Variants in DCAF7 observed in about 807,000 individuals in gnomAD.
The protein encoded by DCAF7 is DDB1 and CUL4 associated factor 7.
A neutral mutation model predicts 41.2 loss-of-function variants in DCAF7; 4 were observed. The ratio of observed to expected loss-of-function variants is 0.10; its 90% CI spans 0.05 to 0.22. DCAF7 has a LOEUF of 0.22. DCAF7 is among the 10% of genes least tolerant of loss of function. The pLI, the probability that DCAF7 is intolerant of heterozygous loss-of-function variation, is 1.00. For synonymous variants in DCAF7, 143 were observed against 164.2 expected, an observed-to-expected ratio of 0.87 and a Z score of 0.99; for missense variants, 131 against 443.2, an observed-to-expected ratio of 0.30 and a Z score of 6.32.
At chr17:63,588,888 G>T in intron 6 of DCAF7, 112 bp from the exon 7 acceptor site, 1 of 1,166,346 alleles carries the variant, frequency 8.6e-7, no homozygotes. Context: ...GCTTAAAATA[G>T]AACCGCCATC....
intron 1 of DCAF7, among the ~76,000 whole-genome samples, chr17:63,575,687 GAAAA>G (rs879887959): frequency 2.0e-5 from 3 of 151,706 alleles, no homozygotes; most frequent in African/African-American, 7.3e-5. Context: ...GACTCTGTCT[GAAAA>G]AAAAGAACTT....
chr17:63,565,898 C>T (rs1423183408), intron 1 of DCAF7, among the ~76,000 whole-genome samples: 1 of 151,968 alleles, frequency 6.6e-6, no homozygotes, highest in Non-Finnish European at 1.5e-5. Flanking sequence ...GTCAGGAGTT[C>T]GAGACCAGCC....
intron 1 of DCAF7, chr17:63,552,377 A>G (rs2033266926): frequency 6.6e-6 from 1 of 152,230 alleles, no homozygotes. Context: ...CTCATTGTCC[A>G]GACATTACAC....
intron 1 of DCAF7, among the ~76,000 whole-genome samples, chr17:63,571,220 G>A (rs1316834976): frequency 7.9e-5 from 12 of 151,834 alleles, no homozygotes; most frequent in Admixed American, 7.9e-4. Flanking sequence ...GATATATTGT[G>A]TAAAGGAAGT....
chr17:63,551,299 CTACTCCCA>C (rs2033250681), intron 1 of DCAF7, among the ~76,000 whole-genome samples: 7 of 130,596 alleles, frequency 5.4e-5, no homozygotes, highest in Admixed American at 1.6e-4. Context: ...TCCCCGCCCC[CTACTCCCA>C]CCCCCCCCGG....
In DCAF7 at chr17:63,572,161, T is replaced by C. The variant is rs1191963218; in HGVS notation, c.139-6309T>C. Among the ~76,000 whole-genome samples the C allele has an allele frequency of 2.6e-5, 4 of 152,298 alleles. No individual in the cohort carries two copies. The East Asian group carries it at 7.7e-4, about 29-fold the overall frequency. On this transcript the variant is annotated intron_variant, in intron 1 of 6. Coordinates refer to ENST00000614556, the MANE Select transcript of DCAF7 (RefSeq NM_005828.5). ...AAGATGTCATAATATTCAAAGCTCA[T>C]ATATTGAGTAAGACAGTTCTATGTA...
intron 1 of DCAF7, among the ~76,000 whole-genome samples, chr17:63,576,273 C>T (rs1291209616): frequency 2.0e-5 from 3 of 152,028 alleles, no homozygotes; most frequent in African/African-American, 4.8e-5. Flanking sequence ...GAAGACCCTT[C>T]TCTACTAAAA....
intron 1 of DCAF7, among the ~76,000 whole-genome samples, chr17:63,575,790 C>T (rs1053951274): frequency 6.6e-6 from 1 of 152,226 alleles, no homozygotes; most frequent in African/African-American, 2.4e-5. Flanking sequence ...CCAGACTGCT[C>T]AATAGATTCA....
intron 1 of DCAF7, among the ~76,000 whole-genome samples, chr17:63,573,002 A>G (rs757616273): frequency 1.3e-5 from 2 of 152,160 alleles, no homozygotes; most frequent in Non-Finnish European, 2.9e-5. Flanking sequence ...GGCTCAAGCC[A>G]TCCACCCTCC....
rs2033760350 is a variant in DCAF7 at position 63,594,029 on chromosome 17, T to C, written c.*4857T>C. 6.6e-6 allele frequency: 1 copy of C among 152,650 alleles called. No individual in the cohort carries two copies. The highest frequency in any genetic ancestry group is 1.5e-5 in the Non-Finnish European group (1 of 68,034). 9.5% of individuals were successfully genotyped at this position (152,650 alleles called of 1,614,324 possible). ...TTTATAAATATTTTCACAGGACTGA[T>C]TGTACACAGGGCTTGTAATAAAATT... On this transcript the variant is annotated 3_prime_UTR_variant, in exon 7 of 7. Coordinates refer to ENST00000614556, the MANE Select transcript of DCAF7 (RefSeq NM_005828.5).
rs552625156 is a variant in DCAF7 at position 63,589,815 on chromosome 17, A to G, written c.*643A>G. 1 of 164,052 alleles carries G rather than the reference A, an allele frequency of 6.1e-6. No individual in the cohort carries two copies. The highest frequency in any genetic ancestry group is 1.7e-4 in the South Asian group (1 of 6,014). 10.2% of individuals were successfully genotyped at this position (164,052 alleles called of 1,614,324 possible). On this transcript the variant is annotated 3_prime_UTR_variant, in exon 7 of 7. Coordinates refer to ENST00000614556, the MANE Select transcript of DCAF7 (RefSeq NM_005828.5). ...CATGAGCAGTTTGCCTTCTTGAGTC[A>G]CTGCCTGTGTAGTACATACCTGACC...
In DCAF7 at chr17:63,592,669, G is replaced by A. The variant is rs146914204; in HGVS notation, c.*3497G>A. 3.6e-4 allele frequency: 55 copies of A among 152,366 alleles called. No individual in the cohort carries two copies. Among genetic ancestry groups the A allele is most frequent in the African/African-American group, 1.3e-3 (52 of 41,562 alleles). The allele number at this position is 152,366 out of a possible 1,614,324, so 9.4% of individuals were successfully genotyped here. A position where few individuals can be genotyped will look rare whatever the true frequency, so the allele number is the denominator to read the frequency against. ...AGACTGTCCATTGCATGGCTGTGGA[G>A]TGAGACTGCCCTTAGCCTGGGTCAG... On this transcript the variant is annotated 3_prime_UTR_variant, in exon 7 of 7. Transcript: ENST00000614556.
Position 63,550,795 on chromosome 17 carries a change from G to T in DCAF7, c.118G>T (p.Val40Leu). 1 of 1,613,794 alleles carries T rather than the reference G, an allele frequency of 6.2e-7. No homozygotes were observed. The highest frequency in any genetic ancestry group is 8.5e-7 in the Non-Finnish European group (1 of 1,179,810). ...CTTTCGCTTGGCGCTGGGCAGCTTC[G>T]TGGAGGAGTACAACAACAAGGTGGG... Reference protein sequence around the residue: ...KRFRLALGSFVEEYNNKVQLV... With the variant: ...KRFRLALGSFLEEYNNKVQLV... Residue 40 changes from valine to leucine, a missense_variant, in exon 1 of 7, where the codon GTG (valine) becomes TTG (leucine). Val to Leu is a conservative substitution (Grantham distance 32, BLOSUM62 1). Coordinates refer to ENST00000614556, the MANE Select transcript of DCAF7 (RefSeq NM_005828.5). This position sits in a 1 kb window ranked among gnomAD's most constrained non-coding sequence, Gnocchi z 4.8.
intron 1 of DCAF7, among the ~76,000 whole-genome samples, chr17:63,571,741 T>A (rs1487517945): frequency 6.6e-6 from 1 of 152,140 alleles, no homozygotes; most frequent in African/African-American, 2.4e-5. Context: ...AGCTATTTCC[T>A]GACTTCTCTC....
chr17:63,554,065 T>C (rs553911854), intron 1 of DCAF7, among the ~76,000 whole-genome samples: 1 of 152,038 alleles, frequency 6.6e-6, no homozygotes, highest in Non-Finnish European at 1.5e-5. Context: ...ATTAGCCAGG[T>C]ATGGTGGCAT....
intron 1 of DCAF7, among the ~76,000 whole-genome samples, chr17:63,566,382 A>C (rs34849938): frequency 0.019 from 2,641 of 140,834 alleles, 28 homozygotes; most frequent in Non-Finnish European, 0.027. Flanking sequence ...AAAAAAAAAA[A>C]ACAACAGTTA....
chr17:63,555,587 G>A (rs1479640457), intron 1 of DCAF7, among the ~76,000 whole-genome samples: 1 of 152,122 alleles, frequency 6.6e-6, no homozygotes, highest in Admixed American at 6.5e-5. Context: ...ACATACTCAT[G>A]TGTTTTAGGC....
chr17:63,579,502 C>T, intron 3 of DCAF7, 54 bp downstream of exon 3: 1 of 1,348,728 alleles, frequency 7.4e-7, no homozygotes, highest in Non-Finnish European at 1.0e-6. Flanking sequence ...AATAAATTTT[C>T]TCAGATGTCA....
chr17:63,559,894 C>T (rs1345760676), intron 1 of DCAF7, among the ~76,000 whole-genome samples: 1 of 151,920 alleles, frequency 6.6e-6, no homozygotes, highest in Non-Finnish European at 1.5e-5. Flanking sequence ...TGTGAGAAAG[C>T]CATGAAAGTA....
Sources: gnomAD v4.1 joint callset for allele counts (sites outside exome capture counted in the v4.1 genomes callset) on GRCh38, gnomAD v4.1.1 for gene constraint, Gnocchi (gnomAD v3.1) non-coding constraint, MANE v1.5 for transcripts, NCBI Gene and HGNC (gene_info 2026-07-23, HGNC 2026-07-21) for gene names.